The following MECR variants were observed in gnomAD, a reference collection of about 807,000 sequenced individuals.
MECR encodes enoyl-[acyl-carrier-protein] reductase, mitochondrial.
In MECR, 37 loss-of-function variants were observed where a neutral mutation model predicts 49.1. The observed-to-expected ratio is 0.75, with a 90% CI of 0.58 to 0.99. MECR has a LOEUF of 0.99. MECR is among the 50% of genes least tolerant of loss of function. The probability of loss-of-function intolerance (pLI) is 0.00; values close to 1 mark genes in which losing one functional copy is unlikely to be tolerated. For synonymous variants in MECR, 198 were observed against 191.1 expected (o/e 1.04, Z -0.30); for missense variants, 470 against 479.6 (o/e 0.98, Z 0.19).
At chr1:29,222,724 G>C (rs1681075386) in intron 1 of MECR, among the ~76,000 whole-genome samples, 1 of 152,170 alleles carries the variant, frequency 6.6e-6, no homozygotes, top group Non-Finnish European at 1.5e-5. Flanking sequence ...GGCCAAGCAG[G>C]GGTGAGGGTT....
At chr1:29,176,586 A>G in the MECR span, among the ~76,000 whole-genome samples, 1 of 152,176 alleles carries the variant, frequency 6.6e-6, no homozygotes, top group Non-Finnish European at 1.5e-5. Context: ...TAATCTGTCA[A>G]GAATTCAGGA....
intron 7 of MECR, among the ~76,000 whole-genome samples, 200 bp from the exon 8 acceptor site, chr1:29,196,458 A>G (rs999038670): frequency 6.6e-6 from 1 of 152,062 alleles, no homozygotes; most frequent in African/African-American, 2.4e-5. Context: ...AGGCTGAGGC[A>G]GGTGGATCAC....
In MECR at chr1:29,193,914, G is replaced by A. The variant is rs1449683129; in HGVS notation, c.*108C>T. 2 of 1,340,626 alleles carry A rather than the reference G, an allele frequency of 1.5e-6. No individual in the cohort carries two copies. The highest frequency in any genetic ancestry group is 2.0e-5 in the Admixed American group (1 of 49,406). The allele number at this position is 1,340,626 out of a possible 1,614,324, so 83.0% of individuals were successfully genotyped here. Reference sequence around the variant, plus strand: ...ACCATCCTCCTAATAGGAAGAGGCAGTGAGGAGAACAGTAGTCTGGGGAAG... The same window carrying A: ...ACCATCCTCCTAATAGGAAGAGGCAATGAGGAGAACAGTAGTCTGGGGAAG... On this transcript the variant is annotated 3_prime_UTR_variant, in exon 10 of 10. Coordinates refer to ENST00000263702, the MANE Select transcript of MECR (RefSeq NM_016011.5).
At position 29,206,880 on chromosome 1, in the gene MECR, G is replaced by A; in HGVS notation, c.432C>T (p.Phe144=). The A allele has an allele frequency of 1.2e-6, 2 of 1,614,158 alleles. No individual in the cohort carries two copies. Among genetic ancestry groups the A allele is most frequent in the Non-Finnish European group, 1.7e-6 (2 of 1,180,018 alleles). The part of the protein sequence containing the change: ...GLGTWRTEAV[F]SEEALIQVPS... Reference sequence around the variant, plus strand: ...GAACTTGGATCAGTGCTTCCTCGCTGAACACAGCCTCGGTCCGCCAGGTTC... The same window carrying A: ...GAACTTGGATCAGTGCTTCCTCGCTAAACACAGCCTCGGTCCGCCAGGTTC... Residue 144 remains phenylalanine, a synonymous_variant, in exon 4 of 10, where the codon TTC becomes TTT. Transcript: ENST00000263702.
At chr1:29,176,281 A>C in the MECR span, among the ~76,000 whole-genome samples, 1 of 151,876 alleles carries the variant, frequency 6.6e-6, no homozygotes, top group Non-Finnish European at 1.5e-5. Context: ...AAACAAAAAA[A>C]CAACAAATAG....
chr1:29,208,199 C>T (rs566797967), intron 3 of MECR, among the ~76,000 whole-genome samples: 59 of 152,228 alleles, frequency 3.9e-4, no homozygotes, highest in African/African-American at 1.4e-3. Flanking sequence ...ACCATGTTGG[C>T]CAGGCTGGTC....
the MECR span, among the ~76,000 whole-genome samples, chr1:29,174,179 T>C: frequency 9.7e-5 from 14 of 143,742 alleles, no homozygotes; most frequent in African/African-American, 2.9e-4. Flanking sequence ...GGGAGACAGA[T>C]TGAGACCCCA....
At chr1:29,171,756 C>T in the MECR span, 1 of 152,048 alleles carries the variant, frequency 6.6e-6, no homozygotes, top group African/African-American at 2.4e-5. Context: ...AAACCCAAAC[C>T]ACATTTTATT....
intron 1 of MECR, among the ~76,000 whole-genome samples, chr1:29,229,578 GA>G (rs1682951041): frequency 6.6e-6 from 1 of 152,206 alleles, no homozygotes; most frequent in African/African-American, 2.4e-5. Context: ...TATTTGCTGG[GA>G]ATCAAAGAGT....
the MECR span, among the ~76,000 whole-genome samples, chr1:29,176,388 T>A: frequency 6.6e-6 from 1 of 152,048 alleles, no homozygotes; most frequent in Admixed American, 6.6e-5. Context: ...CTCTGCCACT[T>A]GGTGGTGGGT....
the MECR span, among the ~76,000 whole-genome samples, chr1:29,174,716 C>T: frequency 6.7e-6 from 1 of 148,862 alleles, no homozygotes; most frequent in African/African-American, 2.5e-5. Context: ...GCTCCATCAC[C>T]AGGCTGGAGT....
At chr1:29,174,741 T>A in the MECR span, among the ~76,000 whole-genome samples, 1 of 150,134 alleles carries the variant, frequency 6.7e-6, no homozygotes, top group African/African-American at 2.4e-5. Context: ...TGGCCCGATC[T>A]AGGCTCATTG....
intron 4 of MECR, among the ~76,000 whole-genome samples, chr1:29,205,372 C>T (rs751911333): frequency 1.6e-4 from 25 of 151,538 alleles, no homozygotes; most frequent in Non-Finnish European, 1.0e-4. Flanking sequence ...TTAGTAGAGA[C>T]GGGTTTTCAC....
rs748329549 is a variant in MECR at position 29,230,820 on chromosome 1, A to G, written c.87T>C (p.Pro29=). ...GLLPASGCHG[P]AASSYSASAE... ...CGGATGCGGAGTAGGAGGAGGCGGC[A>G]GGTCCGTGACAGCCAGAAGCTGGGA... Residue 29 remains proline (P), a synonymous_variant, in exon 1 of 10, where the codon CCT becomes CCC. Transcript: ENST00000263702. The G allele has an allele frequency of 2.5e-6, 4 of 1,608,090 alleles. No individual in the cohort carries two copies. In the Admixed American group the frequency reaches 6.7e-5, roughly 27 times the overall value.
At position 29,196,185 on chromosome 1, in the gene MECR, G is replaced by A; in HGVS notation, c.891+13C>T. 2 of 1,614,100 alleles carry A rather than the reference G, an allele frequency of 1.2e-6. No individual in the cohort carries two copies. The highest frequency in any genetic ancestry group is 1.7e-6 in the Non-Finnish European group (2 of 1,179,970). On this transcript the variant is annotated intron_variant, in intron 8 of 9. Transcript: ENST00000263702. ...CCCGGCTCCAGGCATGCCTCCCTCT[G>A]CACCCAGCTTACCACAGAGGCTACG...
chr1:29,225,603 A>T (rs1681842926), intron 1 of MECR, among the ~76,000 whole-genome samples: 1 of 152,110 alleles, frequency 6.6e-6, no homozygotes, highest in Non-Finnish European at 1.5e-5. Context: ...GTAAACTCTC[A>T]AAGAATACAT....
chr1:29,203,427 C>G (rs772996764), intron 4 of MECR, among the ~76,000 whole-genome samples, 194 bp from the exon 5 acceptor site: 11 of 152,216 alleles, frequency 7.2e-5, no homozygotes, highest in Non-Finnish European at 1.3e-4. Context: ...TTCCACAACA[C>G]TCACGATGCC....
intron 7 of MECR, among the ~76,000 whole-genome samples, chr1:29,196,930 G>C (rs560382092): frequency 7.2e-5 from 11 of 152,202 alleles, no homozygotes; most frequent in African/African-American, 2.6e-4. Context: ...ACTTGAGCCT[G>C]GGAGGTTGAG....
chr1:29,201,311 AGT>A lies in MECR; in HGVS notation c.756+630_756+631del, dbSNP rs1303329536. On this transcript the variant is annotated intron_variant, in intron 6 of 9. Coordinates refer to ENST00000263702, the MANE Select transcript of MECR (RefSeq NM_016011.5). This position sits in a 1 kb window ranked among gnomAD's most constrained non-coding sequence, Gnocchi z 4.3. ...TGTTCGCAAGAAGCGCATGCTCTTG[AGT>A]GTGTGTCTTTGGTTCCTCCAGATGG... 4 of 505,730 alleles carry A rather than the reference AGT, an allele frequency of 7.9e-6. No homozygotes were observed. Among genetic ancestry groups the A allele is most frequent in the Admixed American group, 2.3e-5 (1 of 43,856 alleles). The allele number at this position is 505,730 out of a possible 1,614,324, so 31.3% of individuals were successfully genotyped here.
Sources: allele counts gnomAD v4.1 joint callset (sites outside exome capture counted in the v4.1 genomes callset), GRCh38; gene constraint gnomAD v4.1.1; non-coding constraint Gnocchi (gnomAD v3.1); transcripts MANE v1.5; gene names NCBI Gene and HGNC (gene_info 2026-07-23, HGNC 2026-07-21).